NIM1K: variants seen among roughly 807,000 people sequenced by gnomAD.
NIM1K encodes the protein serine/threonine-protein kinase NIM1.
NIM1K carries 35 observed loss-of-function variants against 37.1 expected under a neutral mutation model. The ratio of observed to expected loss-of-function variants is 0.94; its 90% CI spans 0.72 to 1.25. NIM1K has a LOEUF of 1.25. NIM1K is among the 50% of genes most tolerant of loss of function. The pLI is 0.00. For missense variants in NIM1K, 564 were observed against 548.0 expected, an observed-to-expected ratio of 1.03 and a Z score of -0.29; for synonymous variants, 234 against 206.6, an observed-to-expected ratio of 1.13 and a Z score of -1.14.
At chr5:43,247,451 T>C (rs1485342482) in intron 2 of NIM1K, among the ~76,000 whole-genome samples, 1 of 152,226 alleles carries the variant, frequency 6.6e-6, no homozygotes, top group Non-Finnish European at 1.5e-5. Flanking sequence ...TAAAGTATCT[T>C]TATCAGAAGT....
intron 1 of NIM1K, chr5:43,233,086 A>G (rs1752565736): frequency 1.5e-6 from 2 of 1,343,274 alleles, no homozygotes; most frequent in East Asian, 4.6e-5. Context: ...ATTGGGCTGG[A>G]TGCCATGTTC....
Position 43,280,653 on chromosome 5 carries a change from A to G in NIM1K, c.1235A>G (p.Lys412Arg). 6.2e-7 allele frequency: 1 copy of G among 1,613,936 alleles called. No homozygotes were observed. The highest frequency in any genetic ancestry group is 8.5e-7 in the Non-Finnish European group (1 of 1,179,976). The change falls in exon 4 of 4, where the codon AAA (lysine) becomes AGA (arginine). Residue 412 changes from lysine (K) to arginine (R), a missense_variant. Coordinates refer to ENST00000326035, the MANE Select transcript of NIM1K (RefSeq NM_153361.4). Reference sequence around the variant, plus strand: ...CCAGTCATGATGCTACCAGACCCTAAAGAAAGAGACCTCAAAAAAGGGTCC... The same window carrying G: ...CCAGTCATGATGCTACCAGACCCTAGAGAAAGAGACCTCAAAAAAGGGTCC... ...SVPVMMLPDP[K>R]ERDLKKGSRV...
At chr5:43,232,381 G>T (rs1334219146) in intron 1 of NIM1K, 2 of 1,390,148 alleles carry the variant, frequency 1.4e-6, no homozygotes, top group Non-Finnish European at 2.0e-6. Flanking sequence ...GGAAGTGGAT[G>T]GGGGGATAGG....
At chr5:43,238,335 G>A (rs1174903001) in intron 1 of NIM1K, among the ~76,000 whole-genome samples, 8 of 152,012 alleles carry the variant, frequency 5.3e-5, no homozygotes, top group Non-Finnish European at 1.0e-4. Context: ...GAGCCACTGC[G>A]CCCGGCCAAT....
chr5:43,270,438 G>T (rs149362577), intron 2 of NIM1K, among the ~76,000 whole-genome samples: 1 of 152,158 alleles, frequency 6.6e-6, no homozygotes, highest in Non-Finnish European at 1.5e-5. Context: ...ATTCCAGTAG[G>T]TTGGAAGACA....
At chr5:43,195,023 T>A (rs959577269) in intron 1 of NIM1K, 2 of 152,238 alleles carry the variant, frequency 1.3e-5, no homozygotes, top group African/African-American at 2.4e-5. Flanking sequence ...ATTCTTTGAA[T>A]CTGATCACTG....
At chr5:43,237,642 C>T (rs766361121) in intron 1 of NIM1K, among the ~76,000 whole-genome samples, 42 of 152,098 alleles carry the variant, frequency 2.8e-4, no homozygotes, top group Non-Finnish European at 4.9e-4. Context: ...TTAGAGCAAC[C>T]CCACAACCTG....
chr5:43,242,500 G>A (rs887988647), intron 1 of NIM1K, among the ~76,000 whole-genome samples: 8 of 151,880 alleles, frequency 5.3e-5, no homozygotes, highest in Non-Finnish European at 8.8e-5. Flanking sequence ...AGTTCTCAGG[G>A]GGATGATGGA....
intron 2 of NIM1K, among the ~76,000 whole-genome samples, chr5:43,276,140 G>T (rs765683264): frequency 6.6e-6 from 1 of 152,062 alleles, no homozygotes; most frequent in Non-Finnish European, 1.5e-5. Flanking sequence ...TGATCCTCCC[G>T]CCTTGGCCTC....
intron 2 of NIM1K, among the ~76,000 whole-genome samples, chr5:43,253,213 TGTGTGTGTGTG>T (rs1752894284): frequency 5.0e-5 from 3 of 60,354 alleles, no homozygotes; most frequent in East Asian, 5.5e-4. Flanking sequence ...ATATAATATA[TGTGTGTGTGTG>T]TGTGTGTGTG....
chr5:43,257,368 T>C (rs1285183478), intron 2 of NIM1K, among the ~76,000 whole-genome samples: 1 of 141,378 alleles, frequency 7.1e-6, no homozygotes, highest in Non-Finnish European at 1.5e-5. Flanking sequence ...GACTCTTTTT[T>C]TTTTTTTTTT....
chr5:43,271,569 C>T (rs1436941683), intron 2 of NIM1K, among the ~76,000 whole-genome samples: 1 of 152,182 alleles, frequency 6.6e-6, no homozygotes, highest in Non-Finnish European at 1.5e-5. Flanking sequence ...ACAGAGACCA[C>T]ATGTACCATT....
At chr5:43,257,958 A>G (rs1238346161) in intron 2 of NIM1K, among the ~76,000 whole-genome samples, 1 of 152,102 alleles carries the variant, frequency 6.6e-6, no homozygotes, top group African/African-American at 2.4e-5. Flanking sequence ...ACGCATATCA[A>G]TACCAAAAAA....
chr5:43,264,303 T>C (rs1214760049), intron 2 of NIM1K, among the ~76,000 whole-genome samples: 1 of 152,250 alleles, frequency 6.6e-6, no homozygotes, highest in African/African-American at 2.4e-5. Context: ...ATCTGGGTGC[T>C]CTTTTATTGG....
intron 1 of NIM1K, chr5:43,242,737 A>C (rs76986843): frequency 6.6e-6 from 1 of 151,832 alleles, no homozygotes; most frequent in East Asian, 1.9e-4. Context: ...ACAAACTTTT[A>C]TCAACTACTG....
At position 43,277,303 on chromosome 5, in the gene NIM1K, T is replaced by C. The variant is rs574512459; in HGVS notation, c.539T>C (p.Ile180Thr). Residue 180 changes from isoleucine (I) to threonine (T), a missense_variant, in exon 3 of 4, where the codon ATT becomes ACT. Physicochemically the swap from Ile to Thr is moderately conservative, Grantham distance 89. Transcript: ENST00000326035. ...EPESKLIFSQIVSAVKHMHEN... is the reference protein window; with the variant it reads ...EPESKLIFSQTVSAVKHMHEN... Reference sequence around the variant, plus strand: ...GAAAGCAAGCTCATCTTCTCCCAGATTGTGTCTGCCGTGAAGCACATGGTG... The same window carrying C: ...GAAAGCAAGCTCATCTTCTCCCAGACTGTGTCTGCCGTGAAGCACATGGTG... The C allele has an allele frequency of 1.2e-6, 2 of 1,614,028 alleles. No homozygotes were observed. Among genetic ancestry groups the C allele is most frequent in the African/African-American group, 2.7e-5 (2 of 75,048 alleles).
rs115149213 is a variant in NIM1K at position 43,259,195 on chromosome 5, G to A, written c.292+13128G>A. Among the ~76,000 whole-genome samples the A allele has an allele frequency of 9.6e-3, 1,461 of 152,280 alleles. 23 individuals are homozygous for A. The highest frequency in any genetic ancestry group is 0.032 in the African/African-American group (1,311 of 41,556). ...AGGTTGGTTCCAGATCTTTGCAATTGTGAATTGTGCTGCCATAAACATGCA... is the reference window on the plus strand; with the variant it reads ...AGGTTGGTTCCAGATCTTTGCAATTATGAATTGTGCTGCCATAAACATGCA... On this transcript the variant is annotated intron_variant, in intron 2 of 3. Transcript: ENST00000326035.
chr5:43,244,609 G>T (rs1752749915), intron 1 of NIM1K, among the ~76,000 whole-genome samples: 1 of 152,168 alleles, frequency 6.6e-6, no homozygotes, highest in African/African-American at 2.4e-5. Context: ...ATCAGCCTTT[G>T]TCATAAAATG....
chr5:43,227,420 T>C (rs1271360126), intron 1 of NIM1K, among the ~76,000 whole-genome samples: 3 of 152,118 alleles, frequency 2.0e-5, no homozygotes, highest in Non-Finnish European at 2.9e-5. Context: ...TCTTGGCACA[T>C]AGTAAGCACT....
Sources: gnomAD v4.1 joint callset for allele counts (sites outside exome capture counted in the v4.1 genomes callset) on GRCh38, gnomAD v4.1.1 for gene constraint, MANE v1.5 for transcripts, NCBI Gene and HGNC (gene_info 2026-07-23, HGNC 2026-07-21) for gene names.